The following EML3 variants were observed in gnomAD, a reference collection of about 807,000 sequenced individuals.
The protein encoded by EML3 is EMAP like 3, also known as echinoderm microtubule-associated protein-like 3.
EML3 carries 53 observed loss-of-function variants against 106.7 expected under a neutral mutation model. That is an observed-to-expected ratio of 0.50 (90% CI 0.40 to 0.62). The LOEUF (loss-of-function observed/expected upper bound fraction) is 0.62, where lower values mean the gene tolerates loss of function less well. EML3 is among the 20% of genes least tolerant of loss of function. The pLI is 0.00. For synonymous variants in EML3, 499 were observed against 489.6 expected, an observed-to-expected ratio of 1.02 and a Z score of -0.25; for missense variants, 994 against 1,209.1, an observed-to-expected ratio of 0.82 and a Z score of 2.64.
Position 62,605,353 on chromosome 11 carries a change from T to C in EML3, c.1915-173A>G. The C allele has an allele frequency of 1.5e-6, 1 of 688,884 alleles. No individual in the cohort carries two copies. The highest frequency in any genetic ancestry group is 2.4e-6 in the Non-Finnish European group (1 of 425,304). 42.7% of individuals were successfully genotyped at this position (688,884 alleles called of 1,614,324 possible). A position where few individuals can be genotyped will look rare whatever the true frequency, so the allele number is the denominator to read the frequency against. On this transcript the variant is annotated intron_variant, in intron 15 of 21. Transcript: ENST00000394773. This position sits in a 1 kb window ranked among gnomAD's most constrained non-coding sequence, Gnocchi z 5.2. ...TGAACAGGGAGTGATACCAAAATAT[T>C]TAACCACAGAACTGATGCCAATAGC... is the stretch of plus-strand genomic sequence containing the variant.
At chr11:62,603,668 C>T (rs1942363979) in intron 19 of EML3, 61 bp downstream of exon 19, 2 of 1,405,116 alleles carry the variant, frequency 1.4e-6, no homozygotes, top group Non-Finnish European at 2.0e-6. Context: ...TCTAACAGCC[C>T]CCCCTACACA....
intron 21 of EML3, 39 bp downstream of exon 21, chr11:62,602,720 G>A: frequency 6.2e-7 from 1 of 1,603,872 alleles, no homozygotes; most frequent in Non-Finnish European, 8.5e-7. Flanking sequence ...TGAGCCCTCG[G>A]GCCCACCGGT....
rs763791137 is a variant in EML3, at chr11:62,611,249, G to A, written c.290C>T (p.Pro97Leu). The change falls in exon 3 of 22, where the codon CCT becomes CTT. Residue 97 changes from proline (P) to leucine (L), a missense_variant. Around this residue, in one of 3 missense-constraint regions of EML3, gnomAD observed 269 missense variants for 265.1 expected, o/e 1.01. Coordinates refer to ENST00000394773, the MANE Select transcript of EML3 (RefSeq NM_153265.3). ...TCCATTGCTCAGGCCAGGGGGTCCA[G>A]GGGATGACTTGAGCTCCACCTCTGT... ...TETEVELKSSPGPPGLSNGPP... is the reference protein window; with the variant it reads ...TETEVELKSSLGPPGLSNGPP... The A allele has an allele frequency of 1.2e-5, 20 of 1,612,436 alleles. No individual in the cohort carries two copies. Among genetic ancestry groups the A allele is most frequent in the Non-Finnish European group, 3.4e-6 (4 of 1,179,910 alleles).
chr11:62,605,603 T>C lies in EML3; in HGVS notation c.1914+39A>G. 6.6e-7 allele frequency: 1 copy of C among 1,509,870 alleles called. No individual in the cohort carries two copies. The highest frequency in any genetic ancestry group is 8.8e-7 in the Non-Finnish European group (1 of 1,129,962). 93.5% of individuals were successfully genotyped at this position (1,509,870 alleles called of 1,614,324 possible). A position where few individuals can be genotyped will look rare whatever the true frequency, so the allele number is the denominator to read the frequency against. ...GGCGTGGTGGCCACAGGTGTCCTGG[T>C]GGGTGTGGCATGGGGGATCCAGGGG... On this transcript the variant is annotated intron_variant, in intron 15 of 21. Transcript: ENST00000394773. The surrounding 1 kb of genome is among the most constrained non-coding windows in gnomAD (Gnocchi z 5.2).
chr11:62,610,824 G>A, intron 4 of EML3, 55 bp downstream of exon 4: 1 of 1,475,392 alleles, frequency 6.8e-7, no homozygotes, highest in South Asian at 1.2e-5. Context: ...GAGGGATATG[G>A]AAAGTCGAGA....
rs1942664675 is a variant in EML3 at position 62,608,823 on chromosome 11, C to T, written c.930-18G>A. The T allele has an allele frequency of 6.4e-7, 1 of 1,565,008 alleles. No individual in the cohort carries two copies. Among genetic ancestry groups the T allele is most frequent in the Non-Finnish European group, 8.7e-7 (1 of 1,153,066 alleles). On this transcript the variant is annotated intron_variant, in intron 7 of 21. Coordinates refer to ENST00000394773, the MANE Select transcript of EML3 (RefSeq NM_153265.3). ...CAGCAAGGCTAAGGCAGGGGGAAGA[C>T]ACTCTAGGGAAAGGGTCTCTCAAGA... is the stretch of plus-strand genomic sequence containing the variant.
chr11:62,603,251 G>A lies in EML3; in HGVS notation c.2258-4C>T. 5 of 1,612,984 alleles carry A rather than the reference G, an allele frequency of 3.1e-6. No individual in the cohort carries two copies. The highest frequency in any genetic ancestry group is 4.2e-6 in the Non-Finnish European group (5 of 1,179,922). On this transcript the variant is annotated splice_polypyrimidine_tract_variant and splice_region_variant and intron_variant, in intron 19 of 21. Transcript: ENST00000394773. ...TTGCAGCCTCCAGCCACGTCCCCTG[G>A]GGAGAGGGAGCCCGCCCAGCTCAGC...
At position 62,611,105 on chromosome 11, in the gene EML3, G is replaced by T; in HGVS notation, c.434C>A (p.Pro145His). Reference sequence around the variant, plus strand: ...CACCTACGTGTCAGCACGCTGTGGGGGCTGCAAGGGCCTGAGGATCCCCGG... The same window carrying T: ...CACCTACGTGTCAGCACGCTGTGGGTGCTGCAAGGGCCTGAGGATCCCCGG... Reference protein sequence around the residue: ...GPPGILRPLQPPQRADTPRRN... With the variant: ...GPPGILRPLQHPQRADTPRRN... The change falls in exon 3 of 22, where the codon CCC becomes CAC. Residue 145 changes from proline (P) to histidine (H), a missense_variant. Physicochemically the swap from Pro to His is moderately conservative, Grantham distance 77. This residue lies in a region of EML3 where 269 missense variants were observed against 265.1 expected (regional missense o/e 1.01). Transcript: ENST00000394773. 1 of 1,597,176 alleles carries T rather than the reference G, an allele frequency of 6.3e-7. No individual in the cohort carries two copies.
rs529970403 is a variant in EML3 at position 62,605,830 on chromosome 11, C to T, written c.1782+25G>A. The stretch of plus-strand genomic sequence containing the variant: ...CTCTCTCACACCCCTTTGTCCCTTC[C>T]TCCCCTGAGCCCTTAACCCCCAACC... On this transcript the variant is annotated intron_variant, in intron 14 of 21. Coordinates refer to ENST00000394773, the MANE Select transcript of EML3 (RefSeq NM_153265.3). This position sits in a 1 kb window ranked among gnomAD's most constrained non-coding sequence, Gnocchi z 5.2. The T allele has an allele frequency of 1.2e-6, 2 of 1,612,774 alleles. No individual in the cohort carries two copies. Among genetic ancestry groups the T allele is most frequent in the East Asian group, 2.2e-5 (1 of 44,878 alleles).
At position 62,605,197 on chromosome 11, in the gene EML3, G is replaced by A. The variant is rs1942451853; in HGVS notation, c.1915-17C>T. 1.9e-6 allele frequency: 3 copies of A among 1,610,164 alleles called. No individual in the cohort carries two copies. The African/African-American group carries it at 4.0e-5, about 22-fold the overall frequency. On this transcript the variant is annotated splice_polypyrimidine_tract_variant and intron_variant, in intron 15 of 21. Coordinates refer to ENST00000394773, the MANE Select transcript of EML3 (RefSeq NM_153265.3). This position sits in a 1 kb window ranked among gnomAD's most constrained non-coding sequence, Gnocchi z 5.2. ...ACCAGTCTCCTGGGAGAGGGGAGAA[G>A]GTGAATTCAAGATGATGTCTTTCTA...
intron 11 of EML3, 134 bp from the exon 12 acceptor site, chr11:62,607,233 A>T: frequency 9.2e-7 from 1 of 1,083,096 alleles, no homozygotes. Context: ...GGGTCACCTG[A>T]GGCCAGGAGT....
chr11:62,611,645 AGC>A (rs1226621285), intron 1 of EML3, 49 bp from the exon 2 acceptor site: 12 of 1,562,400 alleles, frequency 7.7e-6, no homozygotes, highest in African/African-American at 1.4e-5. Context: ...ACCTGAAGAA[AGC>A]GTAGAGGGGA....
intron 6 of EML3, 66 bp downstream of exon 6, chr11:62,609,288 T>C: frequency 1.3e-6 from 2 of 1,539,416 alleles, no homozygotes; most frequent in Non-Finnish European, 8.7e-7. Flanking sequence ...AGGAGGAAAC[T>C]GTAAAGGTAA....
At chr11:62,608,117 T>A in intron 10 of EML3, 84 bp downstream of exon 10, 1 of 1,321,164 alleles carries the variant, frequency 7.6e-7, no homozygotes, top group Non-Finnish European at 1.1e-6. Flanking sequence ...AGGAAGGAAA[T>A]GTATGGGTGA....
In EML3 at chr11:62,605,175, A is replaced by G. The variant is rs1405134113; in HGVS notation, c.1920T>C (p.Thr640=). 1.2e-6 allele frequency: 2 copies of G among 1,612,468 alleles called. No individual in the cohort carries two copies. Among genetic ancestry groups the G allele is most frequent in the Non-Finnish European group, 1.7e-6 (2 of 1,179,120 alleles). ...ALAWSIDLKE[T]GLCADFHPSG... ...TCGGGTGGAAGTCAGCACAGAGACC[A>G]GTCTCCTGGGAGAGGGGAGAAGGTG... is the stretch of plus-strand genomic sequence containing the variant. The change falls in exon 16 of 22, where the codon ACT becomes ACC. Residue 640 remains threonine (T), a synonymous_variant. Transcript: ENST00000394773. The surrounding 1 kb of genome is among the most constrained non-coding windows in gnomAD (Gnocchi z 5.2).
chr11:62,607,276 C>T (rs528178234), intron 11 of EML3, 177 bp from the exon 12 acceptor site: 42 of 647,156 alleles, frequency 6.5e-5, no homozygotes, highest in Middle Eastern at 4.4e-4. Flanking sequence ...GGTGAAATCC[C>T]GCACTGCACT....
intron 19 of EML3, 31 bp downstream of exon 19, chr11:62,603,698 T>C: frequency 1.3e-6 from 2 of 1,595,806 alleles, no homozygotes; most frequent in Non-Finnish European, 1.7e-6. Context: ...CCAATTACCC[T>C]CTCCCCATGT....
Position 62,608,651 on chromosome 11 carries a change from G to A in EML3, c.1001C>T (p.Pro334Leu), listed in dbSNP as rs1191175499. ...CCAGATGTGAACCACAGGCTGCAGG[G>A]GCTGGTGGAGGAAGAGTCACAAGTG... ...QTAGVDKDGK[P>L]LQPVVHIWDS... Residue 334 changes from proline to leucine, a missense_variant and splice_region_variant, in exon 9 of 22, where the codon CCC becomes CTC. By Grantham distance (98) the Pro-to-Leu change is moderately conservative. Coordinates refer to ENST00000394773, the MANE Select transcript of EML3 (RefSeq NM_153265.3). The A allele has an allele frequency of 1.2e-6, 2 of 1,614,036 alleles. No homozygotes were observed. Among genetic ancestry groups the A allele is most frequent in the African/African-American group, 1.3e-5 (1 of 74,920 alleles).
Position 62,610,876 on chromosome 11 carries a change from C to T in EML3, c.566+3G>A, listed in dbSNP as rs1185216579. ...GGGTGGGTTGAGGGGAAGCCTCACCCACCTCTCTGTGCTCCCGGACCGCAC... is the reference window on the plus strand; with the variant it reads ...GGGTGGGTTGAGGGGAAGCCTCACCTACCTCTCTGTGCTCCCGGACCGCAC... On this transcript the variant is annotated splice_donor_region_variant and intron_variant, in intron 4 of 21. Coordinates refer to ENST00000394773, the MANE Select transcript of EML3 (RefSeq NM_153265.3). The T allele has an allele frequency of 6.2e-7, 1 of 1,607,496 alleles. No homozygotes were observed. The highest frequency in any genetic ancestry group is 8.5e-7 in the Non-Finnish European group (1 of 1,178,534).
Sources: gnomAD v4.1 joint callset for allele counts on GRCh38, gnomAD v4.1.1 for gene constraint, gnomAD v4.1.1 regional missense constraint, Gnocchi (gnomAD v3.1) non-coding constraint, MANE v1.5 for transcripts, NCBI Gene and HGNC (gene_info 2026-07-23, HGNC 2026-07-21) for gene names.